OSR2: variants seen among roughly 807,000 people sequenced by gnomAD.
The protein encoded by OSR2 is odd-skipped related transciption factor 2, also known as protein odd-skipped-related 2.
A neutral mutation model predicts 22.3 loss-of-function variants in OSR2; 8 were observed. The ratio of observed to expected loss-of-function variants is 0.36; its 90% CI spans 0.21 to 0.65. The LOEUF (loss-of-function observed/expected upper bound fraction) is 0.65. Among genes scored for constraint, OSR2 ranks in the 30% least tolerant of loss-of-function variants. The pLI is 0.66. For missense variants in OSR2, 311 were observed against 413.4 expected (o/e 0.75, Z 2.15); for synonymous variants, 179 against 173.8 (o/e 1.03, Z -0.23).
At chr8:98,951,332 T>G (rs1840774462) in intron 3 of OSR2, among the ~76,000 whole-genome samples, 187 bp from the exon 4 acceptor site, 2 of 152,202 alleles carry the variant, frequency 1.3e-5, no homozygotes, top group South Asian at 4.1e-4. Flanking sequence ...CGGGCCTCTG[T>G]GTATGCCTGC....
chr8:98,950,469 A>C (rs1013340762), intron 2 of OSR2, among the ~76,000 whole-genome samples, 187 bp from the exon 3 acceptor site: 6 of 152,144 alleles, frequency 3.9e-5, no homozygotes, highest in Non-Finnish European at 7.4e-5. Flanking sequence ...CGGGCTGGTG[A>C]ATATTTTGAA....
In OSR2 at chr8:98,951,693, G is replaced by A. The variant is rs747140050; in HGVS notation, c.931G>A (p.Asp311Asn). The A allele has an allele frequency of 2.2e-5, 36 of 1,612,312 alleles. 1 individual carries two copies. The Middle Eastern group carries it at 3.2e-3, about 144-fold the overall frequency. Residue 311 changes from aspartate to asparagine, a missense_variant, in exon 4 of 4, where the codon GAC becomes AAC. Asp to Asn is a conservative substitution (Grantham distance 23). Coordinates refer to ENST00000297565, the MANE Select transcript of OSR2 (RefSeq NM_001142462.3). ...CAGCCTGACTCACACCCCGCGGCAG[G>A]ACTTCTAGAGAAGCCCAGGATCTGT... Reference protein sequence around the residue: ...RHSLTHTPRQDF With the variant: ...RHSLTHTPRQNF
At position 98,949,256 on chromosome 8, in the gene OSR2, A is replaced by T; in HGVS notation, c.304A>T (p.Ile102Phe). ...CCTATTCCACCCCAAGCAGGGGGCCATTGCCCACGTCCTCCCAGCCCTGCA... is the reference window on the plus strand; with the variant it reads ...CCTATTCCACCCCAAGCAGGGGGCCTTTGCCCACGTCCTCCCAGCCCTGCA... ...THLFHPKQGA[I>F]AHVLPALHKD... Residue 102 changes from isoleucine to phenylalanine, a missense_variant, in exon 2 of 4, where the codon ATT becomes TTT. By Grantham distance (21) the Ile-to-Phe change is conservative. Around this residue, in one of 5 missense-constraint regions of OSR2, gnomAD observed 146 missense variants for 160.5 expected, o/e 0.91. Coordinates refer to ENST00000297565, the MANE Select transcript of OSR2 (RefSeq NM_001142462.3). The surrounding 1 kb of genome is among the most constrained non-coding windows in gnomAD (Gnocchi z 5.9). 6.3e-7 allele frequency: 1 copy of T among 1,596,294 alleles called. No homozygotes were observed. Among genetic ancestry groups the T allele is most frequent in the Non-Finnish European group, 8.5e-7 (1 of 1,170,040 alleles).
In OSR2 at chr8:98,949,056, A is replaced by G; in HGVS notation, c.104A>G (p.Asp35Gly). 1.2e-6 allele frequency: 2 copies of G among 1,613,840 alleles called. No homozygotes were observed. The change falls in exon 2 of 4, where the codon GAC (aspartate) becomes GGC (glycine). Residue 35 changes from aspartate (D) to glycine (G), a missense_variant. Transcript: ENST00000297565. The surrounding 1 kb of genome is among the most constrained non-coding windows in gnomAD (Gnocchi z 5.9). ...GTGAACACCTTCCCGGCCACGGTGG[A>G]CCACCTGCAGGGCCTGTACGGTCTC... ...QAVNTFPATV[D>G]HLQGLYGLSA...
chr8:98,944,612 T>G lies in OSR2; in HGVS notation c.-326T>G. 1 of 152,226 alleles carries G rather than the reference T, an allele frequency of 6.6e-6. No individual in the cohort carries two copies. The highest frequency in any genetic ancestry group is 1.9e-4 in the East Asian group (1 of 5,194). The allele number at this position is 152,226 out of a possible 1,614,324, so 9.4% of individuals were successfully genotyped here. A position where few individuals can be genotyped will look rare whatever the true frequency, so the allele number is the denominator to read the frequency against. ...CGCCGGCCCCAAGCACCCCGGGTCT[T>G]TACACAGTCCGCGTCCACAGACTCT... On this transcript the variant is annotated 5_prime_UTR_variant, in exon 1 of 4. Transcript: ENST00000297565.
intron 2 of OSR2, among the ~76,000 whole-genome samples, chr8:98,950,279 T>C (rs1456039484): frequency 6.6e-6 from 1 of 152,142 alleles, no homozygotes; most frequent in Non-Finnish European, 1.5e-5. Flanking sequence ...TCTGTACCCA[T>C]CCTGCGAGGC....
rs1840544913 is a variant in OSR2 at position 98,944,535 on chromosome 8, G to C, written c.-403G>C. 1 of 152,324 alleles carries C rather than the reference G, an allele frequency of 6.6e-6. No homozygotes were observed. Among genetic ancestry groups the C allele is most frequent in the East Asian group, 1.9e-4 (1 of 5,180 alleles). 9.4% of individuals were successfully genotyped at this position (152,324 alleles called of 1,614,324 possible). On this transcript the variant is annotated 5_prime_UTR_variant, in exon 1 of 4. Transcript: ENST00000297565. ...AGGCTGTGGGCTCCGACCTCACCGG[G>C]AGTCGACAGCGAGAGGTTCGCCGAA...
In OSR2 at chr8:98,949,195, G is replaced by A. The variant is rs759109117; in HGVS notation, c.243G>A (p.Ala81=). The part of the protein sequence containing the change: ...EMAAAQGLVD[A]RFPFPALPFT... ...CGGCGGCGCAGGGCCTCGTGGACGC[G>A]CGCTTCCCCTTCCCGGCCCTGCCTT... Residue 81 remains alanine, a synonymous_variant, in exon 2 of 4, where the codon GCG becomes GCA. Transcript: ENST00000297565. The surrounding 1 kb of genome is among the most constrained non-coding windows in gnomAD (Gnocchi z 5.9). 3 of 1,592,608 alleles carry A rather than the reference G, an allele frequency of 1.9e-6. No homozygotes were observed. Among genetic ancestry groups the A allele is most frequent in the East Asian group, 2.2e-5 (1 of 44,678 alleles).
chr8:98,950,002 A>G (rs1468185853), intron 2 of OSR2, among the ~76,000 whole-genome samples: 3 of 34,648 alleles, frequency 8.7e-5, no homozygotes, highest in East Asian at 1.9e-3. Context: ...CCCACCCTCC[A>G]CCCAGGTGCG....
At chr8:98,950,027 G>T (rs1041295914) in intron 2 of OSR2, among the ~76,000 whole-genome samples, 4 of 139,544 alleles carry the variant, frequency 2.9e-5, no homozygotes, top group African/African-American at 5.5e-5. Flanking sequence ...AGAGCCTGCC[G>T]TGGGGACCTT....
At position 98,948,737 on chromosome 8, in the gene OSR2, G is replaced by A; in HGVS notation, c.-114-102G>A. 1 of 1,351,650 alleles carries A rather than the reference G, an allele frequency of 7.4e-7. No homozygotes were observed. Among genetic ancestry groups the A allele is most frequent in the African/African-American group, 1.5e-5 (1 of 67,978 alleles). 83.7% of individuals were successfully genotyped at this position (1,351,650 alleles called of 1,614,324 possible). A position where few individuals can be genotyped will look rare whatever the true frequency, so the allele number is the denominator to read the frequency against. ...TCGGGGGGTCTTGGAGTCGGGTGGG[G>A]AGGGAGACTTAGGTGTGGTAACCTG... On this transcript the variant is annotated intron_variant, in intron 1 of 3. Coordinates refer to ENST00000297565, the MANE Select transcript of OSR2 (RefSeq NM_001142462.3). The surrounding 1 kb of genome is among the most constrained non-coding windows in gnomAD (Gnocchi z 6.0).
rs1487251073 is a variant in OSR2 at position 98,948,900 on chromosome 8, C to G, written c.-53C>G. 5.6e-6 allele frequency: 9 copies of G among 1,613,326 alleles called. No homozygotes were observed. Among genetic ancestry groups the G allele is most frequent in the Non-Finnish European group, 7.6e-6 (9 of 1,179,876 alleles). On this transcript the variant is annotated 5_prime_UTR_variant, in exon 2 of 4. Coordinates refer to ENST00000297565, the MANE Select transcript of OSR2 (RefSeq NM_001142462.3). The surrounding 1 kb of genome is among the most constrained non-coding windows in gnomAD (Gnocchi z 6.0). Reference sequence around the variant, plus strand: ...GTCGGAGCCCCACGCCCTCCGGCCTCTGATTCCTGGAAGAAAGGGTTGGTC... The same window carrying G: ...GTCGGAGCCCCACGCCCTCCGGCCTGTGATTCCTGGAAGAAAGGGTTGGTC...
chr8:98,948,526 G>A lies in OSR2; in HGVS notation c.-114-313G>A, dbSNP rs1840679242. 2 of 1,356,570 alleles carry A rather than the reference G, an allele frequency of 1.5e-6. No individual in the cohort carries two copies. Among genetic ancestry groups the A allele is most frequent in the South Asian group, 1.6e-5 (1 of 63,976 alleles). 84.0% of individuals were successfully genotyped at this position (1,356,570 alleles called of 1,614,324 possible). A position where few individuals can be genotyped will look rare whatever the true frequency, so the allele number is the denominator to read the frequency against. The stretch of plus-strand genomic sequence containing the variant: ...GGCTGGGCTGGGCTGGGTGCTGCCC[G>A]GCTGTCCGCCTTTCGTTTTCCTGGG... On this transcript the variant is annotated intron_variant, in intron 1 of 3. Transcript: ENST00000297565. This position sits in a 1 kb window ranked among gnomAD's most constrained non-coding sequence, Gnocchi z 6.0.
At position 98,949,429 on chromosome 8, in the gene OSR2, C is replaced by T. The variant is rs1471639497; in HGVS notation, c.477C>T (p.Pro159=). The T allele has an allele frequency of 6.2e-7, 1 of 1,613,960 alleles. No individual in the cohort carries two copies. Among genetic ancestry groups the T allele is most frequent in the Non-Finnish European group, 8.5e-7 (1 of 1,179,898 alleles). The stretch of plus-strand genomic sequence containing the variant: ...GTAAATTGACTCCGGACAGAAAGCC[C>T]TCTCGAGGAAGGTTGCCCTCCAAAA... The part of the protein sequence containing the change: ...GLSKLTPDRK[P]SRGRLPSKTK... The change falls in exon 2 of 4, where the codon CCC becomes CCT. Residue 159 remains proline, a synonymous_variant. Transcript: ENST00000297565. The surrounding 1 kb of genome is among the most constrained non-coding windows in gnomAD (Gnocchi z 5.9).
In OSR2 at chr8:98,949,348, G is replaced by A; in HGVS notation, c.396G>A (p.Lys132=). ...AVAATQEDPP[K]MGDLSKLSPG... ...CTGCCACGCAAGAGGATCCGCCTAAGATGGGAGACCTGAGCAAGCTGAGCC... is the reference window on the plus strand; with the variant it reads ...CTGCCACGCAAGAGGATCCGCCTAAAATGGGAGACCTGAGCAAGCTGAGCC... The change falls in exon 2 of 4, where the codon AAG becomes AAA. Residue 132 remains lysine, a synonymous_variant. Transcript: ENST00000297565. The surrounding 1 kb of genome is among the most constrained non-coding windows in gnomAD (Gnocchi z 5.9). The A allele has an allele frequency of 1.2e-6, 2 of 1,613,156 alleles. No homozygotes were observed. The highest frequency in any genetic ancestry group is 1.1e-5 in the South Asian group (1 of 90,930).
At position 98,949,409 on chromosome 8, in the gene OSR2, T is replaced by G. The variant is rs535058558; in HGVS notation, c.457T>G (p.Leu153Val). The change falls in exon 2 of 4, where the codon TTG becomes GTG. Residue 153 changes from leucine to valine, a missense_variant. Physicochemically the swap from Leu to Val is conservative, Grantham distance 32. Coordinates refer to ENST00000297565, the MANE Select transcript of OSR2 (RefSeq NM_001142462.3). The surrounding 1 kb of genome is among the most constrained non-coding windows in gnomAD (Gnocchi z 5.9). ...LGSPISGLSK[L>V]TPDRKPSRGR... is the part of the protein sequence containing the mutation. ...TAGCCCCATCTCGGGCCTCAGTAAA[T>G]TGACTCCGGACAGAAAGCCCTCTCG... 1 of 1,613,820 alleles carries G rather than the reference T, an allele frequency of 6.2e-7. No homozygotes were observed. Among genetic ancestry groups the G allele is most frequent in the African/African-American group, 1.3e-5 (1 of 74,930 alleles).
chr8:98,948,883 C>T lies in OSR2; in HGVS notation c.-70C>T, dbSNP rs1300579532. On this transcript the variant is annotated 5_prime_UTR_variant, in exon 2 of 4. Coordinates refer to ENST00000297565, the MANE Select transcript of OSR2 (RefSeq NM_001142462.3). This position sits in a 1 kb window ranked among gnomAD's most constrained non-coding sequence, Gnocchi z 6.0. The stretch of plus-strand genomic sequence containing the variant: ...TGTCTCACTGGGTTTTTGTCGGAGC[C>T]CCACGCCCTCCGGCCTCTGATTCCT... 1.7e-5 allele frequency: 27 copies of T among 1,612,502 alleles called. No homozygotes were observed. The highest frequency in any genetic ancestry group is 2.2e-5 in the Non-Finnish European group (26 of 1,179,692).
In OSR2 at chr8:98,950,660, A is replaced by T; in HGVS notation, c.661A>T (p.Ile221Phe). ...RQDHLRDHRYIHSKEKPFKCQ... is the reference protein window; with the variant it reads ...RQDHLRDHRYFHSKEKPFKCQ... Reference sequence around the variant, plus strand: ...AAACCTTATATTGATTTTCAGATACATCCATTCCAAAGAAAAACCCTTCAA... The same window carrying T: ...AAACCTTATATTGATTTTCAGATACTTCCATTCCAAAGAAAAACCCTTCAA... The change falls in exon 3 of 4, where the codon ATC becomes TTC. Residue 221 changes from isoleucine to phenylalanine, a missense_variant. By Grantham distance (21) the Ile-to-Phe change is conservative (BLOSUM62 0). Transcript: ENST00000297565. The T allele has an allele frequency of 6.2e-7, 1 of 1,605,522 alleles. No individual in the cohort carries two copies. Among genetic ancestry groups the T allele is most frequent in the Non-Finnish European group, 8.5e-7 (1 of 1,173,058 alleles).
In OSR2 at chr8:98,949,174, G is replaced by A. The variant is rs919120577; in HGVS notation, c.222G>A (p.Ala74=). The change falls in exon 2 of 4, where the codon GCG becomes GCA. Residue 74 remains alanine, a synonymous_variant. Transcript: ENST00000297565. This position sits in a 1 kb window ranked among gnomAD's most constrained non-coding sequence, Gnocchi z 5.9. The stretch of plus-strand genomic sequence containing the variant: ...GCTCCACCATCACGGAGATGGCGGC[G>A]GCGCAGGGCCTCGTGGACGCGCGCT... ...ITRSTITEMA[A]AQGLVDARFP... 2.5e-6 allele frequency: 4 copies of A among 1,603,792 alleles called. 1 individual carries two copies. The highest frequency in any genetic ancestry group is 2.7e-5 in the African/African-American group (2 of 74,968).
Sources: gnomAD v4.1 joint callset for allele counts (sites outside exome capture counted in the v4.1 genomes callset) on GRCh38, gnomAD v4.1.1 for gene constraint, gnomAD v4.1.1 regional missense constraint, Gnocchi (gnomAD v3.1) non-coding constraint, MANE v1.5 for transcripts, NCBI Gene and HGNC (gene_info 2026-07-23, HGNC 2026-07-21) for gene names.